The following LINGO2 variants were observed in gnomAD, a reference collection of about 807,000 sequenced individuals.
LINGO2 encodes the protein leucine-rich repeat and immunoglobulin-like domain-containing nogo receptor-interacting protein 2.
A neutral mutation model predicts 30.6 loss-of-function variants in LINGO2; 14 were observed. That is an observed-to-expected ratio of 0.46 (90% CI 0.30 to 0.72). The LOEUF is 0.72. Among genes scored for constraint, LINGO2 ranks in the 30% least tolerant of loss-of-function variants. The pLI is 0.07. For synonymous variants in LINGO2, 317 were observed against 288.5 expected (o/e 1.10, Z -1.00); for missense variants, 729 against 751.7 (o/e 0.97, Z 0.35).
the LINGO2 span, among the ~76,000 whole-genome samples, chr9:28,894,505 T>G: frequency 5.9e-3 from 894 of 152,108 alleles, 13 homozygotes; most frequent in Non-Finnish European, 6.2e-3. Context: ...TAGTAGTAAA[T>G]TTACCACCCT....
At chr9:28,843,197 A>C in the LINGO2 span, among the ~76,000 whole-genome samples, 1 of 151,696 alleles carries the variant, frequency 6.6e-6, no homozygotes, top group South Asian at 2.1e-4. Flanking sequence ...AAAACGTTCC[A>C]GCATAGGAAA....
the LINGO2 span, among the ~76,000 whole-genome samples, chr9:29,015,228 A>G: frequency 2.6e-5 from 4 of 152,306 alleles, no homozygotes; most frequent in South Asian, 8.3e-4. Context: ...TGGATACCCT[A>G]AATGACTTGA....
chr9:28,542,787 G>T (rs1821758562), intron 1 of LINGO2, among the ~76,000 whole-genome samples: 1 of 151,992 alleles, frequency 6.6e-6, no homozygotes, highest in Admixed American at 6.6e-5. Flanking sequence ...TGTGTTCAGG[G>T]ATTCCACGTT....
At chr9:28,869,006 A>T in the LINGO2 span, among the ~76,000 whole-genome samples, 1 of 152,154 alleles carries the variant, frequency 6.6e-6, no homozygotes, top group Non-Finnish European at 1.5e-5. Context: ...CTTTTAGCTC[A>T]GGACTATTTG....
the LINGO2 span, among the ~76,000 whole-genome samples, chr9:29,087,874 T>C: frequency 6.6e-6 from 1 of 152,146 alleles, no homozygotes; most frequent in Admixed American, 6.6e-5. Flanking sequence ...TTTCTATAAA[T>C]ATATGTCCTC....
At chr9:28,941,198 A>G in the LINGO2 span, among the ~76,000 whole-genome samples, 1 of 152,144 alleles carries the variant, frequency 6.6e-6, no homozygotes, top group Admixed American at 6.6e-5. Context: ...AGCTACAGAA[A>G]AACTTAGAGA....
chr9:29,112,509 G>A, the LINGO2 span, among the ~76,000 whole-genome samples: 1 of 152,096 alleles, frequency 6.6e-6, no homozygotes, highest in East Asian at 1.9e-4. Context: ...TTGGATTTCT[G>A]GCTGCATCCT....
chr9:28,756,744 C>T, the LINGO2 span, among the ~76,000 whole-genome samples: 1 of 151,814 alleles, frequency 6.6e-6, no homozygotes, highest in Admixed American at 6.6e-5. Context: ...GACAGTTCCC[C>T]CTTCATGTGC....
the LINGO2 span, among the ~76,000 whole-genome samples, chr9:28,920,257 G>T: frequency 6.6e-6 from 1 of 151,740 alleles, no homozygotes; most frequent in Non-Finnish European, 1.5e-5. Context: ...TAAATAATTT[G>T]ATTTCATAAT....
chr9:28,160,496 A>G (rs1409935966), intron 4 of LINGO2, among the ~76,000 whole-genome samples: 1 of 152,164 alleles, frequency 6.6e-6, no homozygotes. Context: ...ATCAGTCTAT[A>G]CCCATCAACT....
At chr9:28,751,535 T>A in the LINGO2 span, among the ~76,000 whole-genome samples, 1 of 152,004 alleles carries the variant, frequency 6.6e-6, no homozygotes, top group Non-Finnish European at 1.5e-5. Flanking sequence ...TTAAGTCTTT[T>A]TAATATCTCT....
chr9:29,192,286 C>G, the LINGO2 span, among the ~76,000 whole-genome samples: 1 of 152,182 alleles, frequency 6.6e-6, no homozygotes, highest in African/African-American at 2.4e-5. Flanking sequence ...AAGCTCCTAA[C>G]AACTTGCTAA....
At chr9:28,724,025 G>A in the LINGO2 span, among the ~76,000 whole-genome samples, 1 of 151,934 alleles carries the variant, frequency 6.6e-6, no homozygotes, top group African/African-American at 2.4e-5. Flanking sequence ...ATGTAAATAT[G>A]TACACAATAA....
At chr9:28,000,637 CTG>C (rs1220313377) in intron 5 of LINGO2, among the ~76,000 whole-genome samples, 1 of 152,202 alleles carries the variant, frequency 6.6e-6, no homozygotes, top group African/African-American at 2.4e-5. Context: ...TGAGCAGTAT[CTG>C]AATGTCTGAC....
At chr9:28,197,391 C>A (rs1820052426) in intron 4 of LINGO2, among the ~76,000 whole-genome samples, 1 of 151,144 alleles carries the variant, frequency 6.6e-6, no homozygotes, top group South Asian at 2.1e-4. Flanking sequence ...TTAAAAAAAA[C>A]AGATTAAAAC....
intron 5 of LINGO2, among the ~76,000 whole-genome samples, chr9:27,957,270 G>A (rs1010963691): frequency 1.3e-5 from 2 of 151,874 alleles, no homozygotes; most frequent in Admixed American, 6.6e-5. Context: ...ATACCAGTAC[G>A]GCTGTCTTGG....
At chr9:28,122,231 T>C (rs1024724400) in intron 4 of LINGO2, among the ~76,000 whole-genome samples, 7 of 152,184 alleles carry the variant, frequency 4.6e-5, no homozygotes, top group African/African-American at 1.4e-4. Context: ...TCAAAAGCCA[T>C]TAAAAATAAT....
At chr9:29,198,973 A>G in the LINGO2 span, among the ~76,000 whole-genome samples, 4 of 152,110 alleles carry the variant, frequency 2.6e-5, no homozygotes, top group Non-Finnish European at 5.9e-5. Flanking sequence ...CTGTGTCTCA[A>G]TAGGCTACAT....
chr9:28,755,642 T>A, the LINGO2 span, among the ~76,000 whole-genome samples: 1 of 152,086 alleles, frequency 6.6e-6, no homozygotes. Context: ...ACTGGAGATG[T>A]CATCATGGCT....
Sources: allele counts gnomAD v4.1 joint callset (sites outside exome capture counted in the v4.1 genomes callset), GRCh38; gene constraint gnomAD v4.1.1; transcripts MANE v1.5; gene names NCBI Gene and HGNC (gene_info 2026-07-23, HGNC 2026-07-21).